Variants in RORA observed in about 807,000 individuals in gnomAD.
RORA encodes the protein nuclear receptor ROR-alpha.
In RORA, 7 loss-of-function variants were observed where a neutral mutation model predicts 69.5. That is an observed-to-expected ratio of 0.10 (90% CI 0.06 to 0.19). The LOEUF is 0.19. RORA is among the 10% of genes least tolerant of loss of function. The pLI, the probability that RORA is intolerant of heterozygous loss-of-function variation, is 1.00. For synonymous variants in RORA, 261 were observed against 240.8 expected (o/e 1.08, Z -0.78); for missense variants, 457 against 663.0 (o/e 0.69, Z 3.41).
intron 1 of RORA, among the ~76,000 whole-genome samples, chr15:60,830,424 G>A (rs116508396): frequency 0.022 from 3,412 of 152,148 alleles, 43 homozygotes; most frequent in Non-Finnish European, 0.031. Flanking sequence ...ACATTATATC[G>A]TGAGCATTTT....
chr15:61,212,307 G>T (rs1282644953), intron 1 of RORA, among the ~76,000 whole-genome samples: 3 of 152,036 alleles, frequency 2.0e-5, no homozygotes, highest in African/African-American at 7.2e-5. Flanking sequence ...CATGTTGGGA[G>T]AGCACCATCA....
chr15:60,727,825 CCA>C (rs1390772807), intron 1 of RORA, among the ~76,000 whole-genome samples: 4 of 152,176 alleles, frequency 2.6e-5, no homozygotes, highest in Non-Finnish European at 4.4e-5. Context: ...CACCTGCCTG[CCA>C]AGTGAAACTC....
Position 60,715,432 on chromosome 15 carries a change from T to C in RORA, c.167-36746A>G, listed in dbSNP as rs182720038. Among the ~76,000 whole-genome samples the C allele has an allele frequency of 4.3e-3, 660 of 152,308 alleles. 1 individual carries two copies. The highest frequency in any genetic ancestry group is 7.3e-3 in the Non-Finnish European group (496 of 68,020). On this transcript the variant is annotated intron_variant, in intron 1 of 10. Coordinates refer to ENST00000335670, the MANE Select transcript of RORA (RefSeq NM_134261.3). ...GCGACAGGCTGGTGGTCAACTTTCA[T>C]GGTGTTTCTCCAAAGACCTTCACGT...
chr15:60,990,033 A>G (rs1240933953), intron 1 of RORA, among the ~76,000 whole-genome samples: 3 of 152,244 alleles, frequency 2.0e-5, no homozygotes, highest in Admixed American at 1.3e-4. Flanking sequence ...AGGTCATATG[A>G]TTAATACCAC....
chr15:60,742,446 C>A (rs77799917), intron 1 of RORA, among the ~76,000 whole-genome samples: 4,271 of 152,260 alleles, frequency 0.028, 140 homozygotes, highest in African/African-American at 0.074. Flanking sequence ...GGCAAAATCA[C>A]AGCAAGCTGT....
intron 1 of RORA, among the ~76,000 whole-genome samples, chr15:61,141,954 G>A (rs2079303493): frequency 6.6e-6 from 1 of 152,122 alleles, no homozygotes; most frequent in Non-Finnish European, 1.5e-5. Flanking sequence ...CTTCCAGGTG[G>A]CTCCTGGGCT....
rs925430058 is a variant in RORA at position 60,491,804 on chromosome 15, A to G, written c.*5651T>C. 11 of 152,152 alleles carry G rather than the reference A, an allele frequency of 7.2e-5. No individual in the cohort carries two copies. The highest frequency in any genetic ancestry group is 2.7e-4 in the African/African-American group (11 of 41,436). 9.4% of individuals were successfully genotyped at this position (152,152 alleles called of 1,614,324 possible). A position where few individuals can be genotyped will look rare whatever the true frequency, so the allele number is the denominator to read the frequency against. On this transcript the variant is annotated 3_prime_UTR_variant, in exon 11 of 11. Coordinates refer to ENST00000335670, the MANE Select transcript of RORA (RefSeq NM_134261.3). The stretch of plus-strand genomic sequence containing the variant: ...TCATCTCTTAAAAATAAATAGCAAT[A>G]GGAAGGTCTCTATAATACAATCTGA...
intron 1 of RORA, among the ~76,000 whole-genome samples, chr15:61,173,170 A>T (rs1390278488): frequency 2.0e-5 from 3 of 152,110 alleles, no homozygotes. Context: ...CAATCCTATG[A>T]GCTGGGTACC....
At chr15:60,596,142 C>T (rs2068661420) in intron 2 of RORA, among the ~76,000 whole-genome samples, 1 of 152,118 alleles carries the variant, frequency 6.6e-6, no homozygotes, top group South Asian at 2.1e-4. Flanking sequence ...CATAATTTGC[C>T]ACCCCAAATC....
At chr15:61,058,072 G>T (rs1290365122) in intron 1 of RORA, among the ~76,000 whole-genome samples, 1 of 152,172 alleles carries the variant, frequency 6.6e-6, no homozygotes, top group African/African-American at 2.4e-5. Context: ...AGTAGTTGGG[G>T]AGGCCTCCTG....
rs964162694 is a variant in RORA at position 60,948,091 on chromosome 15, C to T, written c.167-269405G>A. 6.6e-5 allele frequency among the ~76,000 whole-genome samples: 10 copies of T among 152,196 alleles called. No individual in the cohort carries two copies. In the East Asian group the frequency reaches 7.7e-4, roughly 12 times the overall value. Reference sequence around the variant, plus strand: ...CTGAGAGCCACAGAGAAAGTGAAGACGGCTAAGACAACCAGGTCATGCGAG... The same window carrying T: ...CTGAGAGCCACAGAGAAAGTGAAGATGGCTAAGACAACCAGGTCATGCGAG... On this transcript the variant is annotated intron_variant, in intron 1 of 10. Transcript: ENST00000335670.
At chr15:61,103,196 CCCT>C (rs1343812272) in intron 1 of RORA, among the ~76,000 whole-genome samples, 1 of 152,128 alleles carries the variant, frequency 6.6e-6, no homozygotes, top group African/African-American at 2.4e-5. Context: ...ATGTGGGCTG[CCCT>C]CCTCTCCTGG....
chr15:60,704,297 T>C (rs1280503014), intron 1 of RORA, among the ~76,000 whole-genome samples: 1 of 152,244 alleles, frequency 6.6e-6, no homozygotes, highest in African/African-American at 2.4e-5. Flanking sequence ...CACACCGGCA[T>C]GCGGTTGCAA....
intron 1 of RORA, among the ~76,000 whole-genome samples, chr15:60,920,396 T>C (rs1158620882): frequency 6.6e-6 from 1 of 152,234 alleles, no homozygotes; most frequent in Non-Finnish European, 1.5e-5. Context: ...GATTTGAACC[T>C]ATGCCCATTT....
At chr15:61,204,178 T>C (rs1251314155) in intron 1 of RORA, among the ~76,000 whole-genome samples, 1 of 152,180 alleles carries the variant, frequency 6.6e-6, no homozygotes, top group Non-Finnish European at 1.5e-5. Context: ...AAGGATAGCT[T>C]CTTGGAAGAG....
chr15:61,049,016 T>C (rs1296183291), intron 1 of RORA, among the ~76,000 whole-genome samples: 1 of 152,204 alleles, frequency 6.6e-6, no homozygotes, highest in Non-Finnish European at 1.5e-5. Flanking sequence ...TGGCTCTGAA[T>C]CATTCCCCCT....
intron 1 of RORA, among the ~76,000 whole-genome samples, chr15:61,169,643 GAA>G (rs59638048): frequency 7.7e-4 from 66 of 86,164 alleles, no homozygotes; most frequent in Admixed American, 1.7e-3. Context: ...CCATTTTCAT[GAA>G]AAAAAAAAAA....
chr15:61,179,488 T>C (rs370496360), intron 1 of RORA, among the ~76,000 whole-genome samples: 1 of 152,244 alleles, frequency 6.6e-6, no homozygotes, highest in African/African-American at 2.4e-5. Flanking sequence ...AATGGGTTTA[T>C]AATATTTTAA....
chr15:60,830,669 G>A (rs1311512728), intron 1 of RORA, among the ~76,000 whole-genome samples: 1 of 152,132 alleles, frequency 6.6e-6, no homozygotes, highest in African/African-American at 2.4e-5. Flanking sequence ...AAGTATGGCT[G>A]GATCTCATCT....
Sources: allele counts gnomAD v4.1 joint callset (sites outside exome capture counted in the v4.1 genomes callset), GRCh38; gene constraint gnomAD v4.1.1; transcripts MANE v1.5; gene names NCBI Gene and HGNC (gene_info 2026-07-23, HGNC 2026-07-21).